The following RABGAP1L variants were observed in gnomAD, a reference collection of about 807,000 sequenced individuals.
RABGAP1L encodes RAB GTPase activating protein 1 like.
In RABGAP1L, 63 loss-of-function variants were observed where a neutral mutation model predicts 137.7. The ratio of observed to expected loss-of-function variants is 0.46; its 90% CI spans 0.37 to 0.56. The LOEUF (loss-of-function observed/expected upper bound fraction) is 0.56. Among genes scored for constraint, RABGAP1L ranks in the 20% least tolerant of loss-of-function variants. RABGAP1L has a pLI of 0.00. For missense variants in RABGAP1L, 1,095 were observed against 1,244.0 expected (o/e 0.88, Z 1.80); for synonymous variants, 431 against 433.7 (o/e 0.99, Z 0.08).
rs1672179554 is a variant in RABGAP1L, at chr1:174,993,365, G to T, written c.*3364G>T. 1 of 152,132 alleles carries T rather than the reference G, an allele frequency of 6.6e-6. No homozygotes were observed. Among genetic ancestry groups the T allele is most frequent in the Non-Finnish European group, 1.5e-5 (1 of 68,032 alleles). 9.4% of individuals were successfully genotyped at this position (152,132 alleles called of 1,614,324 possible). ...TAAAGTAGAAAAGCAACCTTTGTAT[G>T]GATGTGGGGATATTTAATAGTATGT... On this transcript the variant is annotated 3_prime_UTR_variant, in exon 26 of 26. Transcript: ENST00000681986.
chr1:174,213,241 A>G (rs1455477783), intron 1 of RABGAP1L, among the ~76,000 whole-genome samples: 3 of 152,150 alleles, frequency 2.0e-5, no homozygotes, highest in Non-Finnish European at 4.4e-5. Flanking sequence ...CCTGGCCAAC[A>G]TGGTGAAACC....
chr1:174,540,955 C>T (rs987049270), intron 13 of RABGAP1L, among the ~76,000 whole-genome samples: 8 of 152,064 alleles, frequency 5.3e-5, no homozygotes, highest in African/African-American at 1.9e-4. Flanking sequence ...TTGTTTGTGT[C>T]CTCTTTTATT....
At chr1:174,987,527 T>C (rs1338439952) in intron 24 of RABGAP1L, among the ~76,000 whole-genome samples, 1 of 152,086 alleles carries the variant, frequency 6.6e-6, no homozygotes, top group East Asian at 1.9e-4. Flanking sequence ...GAAAAGATGA[T>C]CCAAAGTCGT....
chr1:174,655,791 TC>T (rs908764423), intron 14 of RABGAP1L, among the ~76,000 whole-genome samples: 4 of 152,214 alleles, frequency 2.6e-5, no homozygotes, highest in African/African-American at 9.6e-5. Context: ...GTTCAAATTG[TC>T]CCCATATTGT....
intron 19 of RABGAP1L, among the ~76,000 whole-genome samples, chr1:174,815,561 T>A (rs1690309692): frequency 6.6e-6 from 1 of 152,222 alleles, no homozygotes; most frequent in African/African-American, 2.4e-5. Flanking sequence ...TTTAAGGAAC[T>A]GTAACCAGTG....
chr1:174,875,263 A>C (rs1434761234), intron 19 of RABGAP1L, among the ~76,000 whole-genome samples: 2 of 152,178 alleles, frequency 1.3e-5, no homozygotes, highest in Non-Finnish European at 2.9e-5. Context: ...TGATGCCGTA[A>C]ATGTTTTATG....
chr1:174,664,583 C>T (rs897529835), intron 14 of RABGAP1L, among the ~76,000 whole-genome samples: 7 of 151,924 alleles, frequency 4.6e-5, no homozygotes, highest in Non-Finnish European at 1.5e-5. Context: ...ATCCTTGAAC[C>T]TACAACTTAG....
intron 14 of RABGAP1L, among the ~76,000 whole-genome samples, chr1:174,682,708 A>G (rs1459445003): frequency 6.6e-6 from 1 of 152,198 alleles, no homozygotes; most frequent in Non-Finnish European, 1.5e-5. Context: ...CACTAAGCCT[A>G]TGGCCTTATT....
intron 13 of RABGAP1L, among the ~76,000 whole-genome samples, chr1:174,431,780 G>C (rs573892894): frequency 6.6e-6 from 1 of 152,072 alleles, no homozygotes; most frequent in Non-Finnish European, 1.5e-5. Flanking sequence ...GACAGTATTC[G>C]AATTGATGTT....
chr1:174,675,168 C>G (rs969004621), intron 14 of RABGAP1L, among the ~76,000 whole-genome samples: 64 of 152,302 alleles, frequency 4.2e-4, no homozygotes, highest in African/African-American at 1.4e-3. Context: ...TTGCCCATGC[C>G]TATGACCTGA....
intron 17 of RABGAP1L, among the ~76,000 whole-genome samples, chr1:174,728,770 T>G (rs1682214667): frequency 6.6e-6 from 1 of 152,016 alleles, no homozygotes; most frequent in Non-Finnish European, 1.5e-5. Context: ...GCTTCCTGAG[T>G]AGCTGGGACT....
At chr1:174,548,011 T>TA in intron 13 of RABGAP1L, 7 of 1,550,612 alleles carry the variant, frequency 4.5e-6, no homozygotes, top group Non-Finnish European at 6.1e-6. Context: ...ATTGTACAAA[T>TA]ATGTCCTAAA....
chr1:174,811,151 T>C (rs1233359150), intron 18 of RABGAP1L, among the ~76,000 whole-genome samples: 1 of 152,124 alleles, frequency 6.6e-6, no homozygotes, highest in Non-Finnish European at 1.5e-5. Flanking sequence ...CAGATAAACA[T>C]TTTGTTTTCT....
chr1:174,462,025 G>A (rs1284845386), intron 13 of RABGAP1L, among the ~76,000 whole-genome samples: 1 of 152,118 alleles, frequency 6.6e-6, no homozygotes, highest in Non-Finnish European at 1.5e-5. Flanking sequence ...AGAACCTTCT[G>A]TATACCTTAG....
intron 13 of RABGAP1L, among the ~76,000 whole-genome samples, chr1:174,527,017 G>A (rs1663933510): frequency 1.3e-5 from 2 of 151,920 alleles, no homozygotes; most frequent in African/African-American, 4.8e-5. Flanking sequence ...ATCTTGGTAT[G>A]TTGTTTTTCC....
intron 19 of RABGAP1L, among the ~76,000 whole-genome samples, chr1:174,915,341 A>G (rs1660680200): frequency 6.6e-6 from 1 of 152,162 alleles, no homozygotes; most frequent in African/African-American, 2.4e-5. Context: ...CTTGATGTCA[A>G]TCATTTTTGT....
At chr1:174,166,004 C>T (rs927199230) in intron 1 of RABGAP1L, among the ~76,000 whole-genome samples, 1 of 152,178 alleles carries the variant, frequency 6.6e-6, no homozygotes, top group Non-Finnish European at 1.5e-5. Context: ...GTTTTCCTTT[C>T]TGCTTTTCAG....
chr1:174,964,734 C>G (rs1297225531), intron 20 of RABGAP1L: 2 of 1,204,450 alleles, frequency 1.7e-6, no homozygotes, highest in Non-Finnish European at 2.2e-6. Flanking sequence ...AGATATGAGT[C>G]TTCCTGAGTT....
chr1:174,362,735 A>T (rs576450604), intron 11 of RABGAP1L, among the ~76,000 whole-genome samples: 1 of 152,172 alleles, frequency 6.6e-6, no homozygotes, highest in South Asian at 2.1e-4. Context: ...TTGTCTGTTT[A>T]CTCTGTTGAT....
Sources: allele counts gnomAD v4.1 joint callset (sites outside exome capture counted in the v4.1 genomes callset), GRCh38; gene constraint gnomAD v4.1.1; transcripts MANE v1.5; gene names NCBI Gene and HGNC (gene_info 2026-07-23, HGNC 2026-07-21).